The following ADGRG6 variants were observed in gnomAD, a reference collection of about 807,000 sequenced individuals.
ADGRG6 encodes the protein adhesion G protein-coupled receptor G6, also known as G-protein coupled receptor 126.
In ADGRG6, 84 loss-of-function variants were observed where a neutral mutation model predicts 142.4. The observed-to-expected ratio is 0.59, with a 90% CI of 0.49 to 0.71. The LOEUF (loss-of-function observed/expected upper bound fraction) is 0.71. Among genes scored for constraint, ADGRG6 ranks in the 30% least tolerant of loss-of-function variants. The probability of loss-of-function intolerance (pLI) is 0.00; values close to 1 mark genes in which losing one functional copy is unlikely to be tolerated. For synonymous variants in ADGRG6, 521 were observed against 520.5 expected, an observed-to-expected ratio of 1.00 and a Z score of -0.01; for missense variants, 1,367 against 1,466.6, an observed-to-expected ratio of 0.93 and a Z score of 1.11.
intron 4 of ADGRG6, among the ~76,000 whole-genome samples, chr6:142,374,959 C>T (rs972888890): frequency 3.9e-5 from 6 of 152,070 alleles, no homozygotes; most frequent in African/African-American, 1.2e-4. Flanking sequence ...AGTATACAAT[C>T]ATTGTTATTA....
chr6:142,423,661 T>C (rs1299707957), intron 22 of ADGRG6, among the ~76,000 whole-genome samples: 2 of 130,190 alleles, frequency 1.5e-5, no homozygotes, highest in Non-Finnish European at 1.6e-5. Context: ...GGGCTCTTTT[T>C]TGGTTCCATA....
intron 17 of ADGRG6, 35 bp from the exon 18 acceptor site, chr6:142,411,270 G>T (rs775739673): frequency 3.5e-6 from 4 of 1,132,420 alleles, no homozygotes; most frequent in Non-Finnish European, 5.4e-6. Context: ...AAACTGACCT[G>T]CTGTTTTCAC....
intron 23 of ADGRG6, 138 bp downstream of exon 23, chr6:142,437,673 C>T (rs1777550658): frequency 1.7e-6 from 1 of 604,710 alleles, no homozygotes; most frequent in Admixed American, 2.6e-5. Flanking sequence ...TAGTTGGAAT[C>T]ATAGAATATC....
intron 2 of ADGRG6, among the ~76,000 whole-genome samples, chr6:142,335,810 A>C (rs73578350): frequency 0.043 from 6,547 of 152,252 alleles, 472 homozygotes; most frequent in African/African-American, 0.15. Flanking sequence ...TAGACTACTT[A>C]ATGATGTAAG....
At chr6:142,354,843 T>G (rs2114792890) in intron 2 of ADGRG6, among the ~76,000 whole-genome samples, 1 of 152,356 alleles carries the variant, frequency 6.6e-6, no homozygotes, top group African/African-American at 2.4e-5. Context: ...GTTCATCTAC[T>G]TAGAAGCTGT....
intron 5 of ADGRG6, 87 bp downstream of exon 5, chr6:142,382,106 C>A: frequency 1.3e-6 from 1 of 799,976 alleles, no homozygotes; most frequent in Non-Finnish European, 2.1e-6. Flanking sequence ...TGATTTGTAT[C>A]TGAATTTTCA....
At chr6:142,438,071 C>T (rs1257971577) in intron 23 of ADGRG6, 141 bp from the exon 24 acceptor site, 1 of 551,906 alleles carries the variant, frequency 1.8e-6, no homozygotes, top group African/African-American at 1.9e-5. Context: ...TTATTGTTTA[C>T]ATGTCAGTCT....
At chr6:142,345,656 C>G (rs939302764) in intron 2 of ADGRG6, among the ~76,000 whole-genome samples, 5 of 152,070 alleles carry the variant, frequency 3.3e-5, no homozygotes, top group Non-Finnish European at 7.4e-5. Context: ...TTTTATGATT[C>G]ATGTAATTTT....
At chr6:142,319,491 T>C (rs1778413987) in intron 2 of ADGRG6, among the ~76,000 whole-genome samples, 4 of 152,166 alleles carry the variant, frequency 2.6e-5, no homozygotes, top group Admixed American at 2.6e-4. Context: ...GAGCACATCT[T>C]TTTTACATGA....
intron 1 of ADGRG6, among the ~76,000 whole-genome samples, chr6:142,305,598 C>A (rs1449117763): frequency 1.3e-5 from 2 of 152,046 alleles, no homozygotes; most frequent in Non-Finnish European, 2.9e-5. Context: ...TCCTGTATAC[C>A]TTTGACCCAG....
At chr6:142,434,248 A>C (rs1438069507) in intron 22 of ADGRG6, among the ~76,000 whole-genome samples, 2 of 151,324 alleles carry the variant, frequency 1.3e-5, no homozygotes, top group Non-Finnish European at 2.9e-5. Flanking sequence ...AGTAATAATA[A>C]ATATAATGCA....
chr6:142,421,910 A>C (rs1776669743), intron 22 of ADGRG6, among the ~76,000 whole-genome samples: 2 of 152,342 alleles, frequency 1.3e-5, no homozygotes, highest in African/African-American at 4.8e-5. Context: ...GCAGTGATAC[A>C]GAGCACATGA....
rs1175827916 is a variant in ADGRG6, at chr6:142,444,282, A to C, written c.*767A>C. On this transcript the variant is annotated 3_prime_UTR_variant, in exon 25 of 25. Transcript: ENST00000367609. ...GTTCCATCATTCTGGACCTCCCAGG[A>C]GTTGTTTAAGAATGAATCTCTTACA... 1 of 152,184 alleles carries C rather than the reference A, an allele frequency of 6.6e-6. No individual in the cohort carries two copies. Among genetic ancestry groups the C allele is most frequent in the Non-Finnish European group, 1.5e-5 (1 of 68,040 alleles). 9.4% of individuals were successfully genotyped at this position (152,184 alleles called of 1,614,324 possible).
Position 142,367,599 on chromosome 6 carries a change from T to G in ADGRG6, c.134T>G (p.Leu45Trp). The G allele has an allele frequency of 6.2e-7, 1 of 1,613,798 alleles. No individual in the cohort carries two copies. The highest frequency in any genetic ancestry group is 8.5e-7 in the Non-Finnish European group (1 of 1,179,782). Reference sequence around the variant, plus strand: ...GGATGTGCCAACTGCCGAGTGGTTTTGTCCAACCCTTCTGGGACCTTTACT... The same window carrying G: ...GGATGTGCCAACTGCCGAGTGGTTTGGTCCAACCCTTCTGGGACCTTTACT... ...VWGCANCRVV[L>W]SNPSGTFTSP... The change falls in exon 3 of 25, where the codon TTG becomes TGG. Residue 45 changes from leucine to tryptophan, a missense_variant. Coordinates refer to ENST00000367609, the MANE Select transcript of ADGRG6 (RefSeq NM_198569.3).
chr6:142,427,899 C>A (rs894773498), intron 22 of ADGRG6, among the ~76,000 whole-genome samples: 6 of 152,184 alleles, frequency 3.9e-5, no homozygotes, highest in Admixed American at 1.3e-4. Flanking sequence ...AACCTGCACC[C>A]ATAATTCAAT....
intron 9 of ADGRG6, 124 bp downstream of exon 9, chr6:142,394,082 T>G (rs1328517548): frequency 1.5e-6 from 1 of 657,098 alleles, no homozygotes; most frequent in Non-Finnish European, 2.7e-6. Context: ...AGTTATTTCT[T>G]TAGCACTGCT....
chr6:142,408,256 A>G lies in ADGRG6; in HGVS notation c.2375A>G (p.His792Arg). 6.4e-7 allele frequency: 1 copy of G among 1,566,710 alleles called. No homozygotes were observed. The highest frequency in any genetic ancestry group is 8.7e-7 in the Non-Finnish European group (1 of 1,153,352). ...LKDPVQIKIK[H>R]TRTQEVHHPI... The stretch of plus-strand genomic sequence containing the variant: ...GATCCTGTTCAAATAAAAATCAAAC[A>G]TACAAGAACTCAGGTAAGAAAACGC... Residue 792 changes from histidine (H) to arginine (R), a missense_variant, in exon 16 of 25, where the codon CAT (histidine) becomes CGT (arginine). Coordinates refer to ENST00000367609, the MANE Select transcript of ADGRG6 (RefSeq NM_198569.3).
intron 2 of ADGRG6, among the ~76,000 whole-genome samples, chr6:142,354,150 A>G (rs1780325484): frequency 6.6e-6 from 1 of 152,136 alleles, no homozygotes; most frequent in Admixed American, 6.5e-5. Flanking sequence ...AATAATAAAT[A>G]ATTTTTAGAT....
At chr6:142,328,620 A>G (rs540115097) in intron 2 of ADGRG6, among the ~76,000 whole-genome samples, 1 of 152,300 alleles carries the variant, frequency 6.6e-6, no homozygotes, top group East Asian at 1.9e-4. Flanking sequence ...TTATGTTTCA[A>G]TTATAAGTAT....
Sources: allele counts gnomAD v4.1 joint callset (sites outside exome capture counted in the v4.1 genomes callset), GRCh38; gene constraint gnomAD v4.1.1; transcripts MANE v1.5; gene names NCBI Gene and HGNC (gene_info 2026-07-23, HGNC 2026-07-21).